NTRK3: variants seen among roughly 807,000 people sequenced by gnomAD.
NTRK3 encodes the protein neurotrophic receptor tyrosine kinase 3.
Under a neutral mutation model 91.7 loss-of-function variants are expected in NTRK3, and 24 were observed. That is an observed-to-expected ratio of 0.26 (90% CI 0.19 to 0.37). The LOEUF (loss-of-function observed/expected upper bound fraction) is 0.37, where lower values mean the gene tolerates loss of function less well. NTRK3 is among the 10% of genes least tolerant of loss of function. The pLI is 1.00. For missense variants in NTRK3, 880 were observed against 1,068.9 expected, an observed-to-expected ratio of 0.82 and a Z score of 2.46; for synonymous variants, 483 against 404.0, an observed-to-expected ratio of 1.20 and a Z score of -2.34.
chr15:87,945,804 A>AG (rs1491303977), intron 14 of NTRK3, among the ~76,000 whole-genome samples: 1 of 29,468 alleles, frequency 3.4e-5, no homozygotes, highest in Non-Finnish European at 5.7e-5. Flanking sequence ...GAAGACTGGG[A>AG]AAAAAAAAAA....
intron 17 of NTRK3, among the ~76,000 whole-genome samples, chr15:87,911,605 C>A (rs1367523273): frequency 2.6e-5 from 4 of 152,186 alleles, no homozygotes; most frequent in East Asian, 1.9e-4. Flanking sequence ...ATCTTGCCAC[C>A]CCTGTGGGTG....
At chr15:87,865,763 C>G (rs777651577) in exon 19 of NTRK3, 1 of 226,670 alleles carries the variant, frequency 4.4e-6, no homozygotes, top group East Asian at 6.3e-5. Context: ...TGTCAGAGTT[C>G]CAAGCCTGAA....
chr15:88,055,165 C>T (rs1597025336), intron 13 of NTRK3, among the ~76,000 whole-genome samples: 1 of 152,338 alleles, frequency 6.6e-6, no homozygotes, highest in East Asian at 1.9e-4. Context: ...CCCATGGCCT[C>T]AGCCTTCTGC....
intron 10 of NTRK3, 31 bp from the exon 11 acceptor site, chr15:88,128,765 A>C: frequency 6.2e-7 from 1 of 1,603,966 alleles, no homozygotes; most frequent in Non-Finnish European, 8.5e-7. Flanking sequence ...GATAATTAAC[A>C]AATTTAATAA....
chr15:88,239,941 C>A (rs1441223810), intron 3 of NTRK3, among the ~76,000 whole-genome samples: 1 of 152,120 alleles, frequency 6.6e-6, no homozygotes, highest in Non-Finnish European at 1.5e-5. Flanking sequence ...TGGGGTGGGG[C>A]CCAGCGGTCG....
chr15:88,212,986 T>C (rs1483864313), intron 3 of NTRK3, among the ~76,000 whole-genome samples: 3 of 152,098 alleles, frequency 2.0e-5, no homozygotes, highest in African/African-American at 7.2e-5. Context: ...GGCTGTGGGG[T>C]CCCATCGCCT....
Position 88,236,514 on chromosome 15 carries a change from T to TAAAA in NTRK3, c.248+19388_248+19391dup, listed in dbSNP as rs60187446. On this transcript the variant is annotated intron_variant, in intron 3 of 18. Coordinates refer to ENST00000394480, the Ensembl canonical transcript of NTRK3. ...AAAGTGAGACTCCAGCCTCTATTAT[T>TAAAA]AAAAAAAAAAAAAAAAAAAAAAAAA... is the stretch of plus-strand genomic sequence containing the variant. Among the ~76,000 whole-genome samples, 363 of 53,752 alleles carry TAAAA rather than the reference T, an allele frequency of 6.8e-3. 4 individuals carry two copies. Among genetic ancestry groups the TAAAA allele is most frequent in the African/African-American group, 0.024 (343 of 14,176 alleles). 35.3% of individuals were successfully genotyped at this position (53,752 alleles called of 152,430 possible).
intron 5 of NTRK3, among the ~76,000 whole-genome samples, chr15:88,167,803 G>A (rs2045127127): frequency 6.6e-6 from 1 of 152,096 alleles, no homozygotes; most frequent in South Asian, 2.1e-4. Flanking sequence ...TGCAGGCTCT[G>A]GGCACATCAA....
At chr15:88,176,123 C>T (rs1320065428) in intron 5 of NTRK3, among the ~76,000 whole-genome samples, 1 of 148,672 alleles carries the variant, frequency 6.7e-6, no homozygotes, top group East Asian at 2.0e-4. Context: ...TAATATTTGC[C>T]TATATGCCCC....
intron 13 of NTRK3, among the ~76,000 whole-genome samples, chr15:88,071,423 G>T (rs1174303977): frequency 6.6e-6 from 1 of 152,242 alleles, no homozygotes; most frequent in Admixed American, 6.5e-5. Flanking sequence ...AGTCTCACTT[G>T]GCCAAGGCCA....
chr15:88,149,791 C>T (rs1371355357), intron 5 of NTRK3, among the ~76,000 whole-genome samples: 1 of 152,222 alleles, frequency 6.6e-6, no homozygotes, highest in Non-Finnish European at 1.5e-5. Flanking sequence ...GGGTTCAGGA[C>T]AACAGGATTT....
At chr15:88,115,922 T>C (rs191904372) in intron 13 of NTRK3, among the ~76,000 whole-genome samples, 1 of 151,490 alleles carries the variant, frequency 6.6e-6, no homozygotes, top group African/African-American at 2.4e-5. Context: ...GCTTTTCCGG[T>C]TTTTTATAGC....
intron 14 of NTRK3, among the ~76,000 whole-genome samples, chr15:88,026,185 G>C (rs538223673): frequency 2.0e-5 from 3 of 151,932 alleles, no homozygotes; most frequent in Non-Finnish European, 2.9e-5. Flanking sequence ...GCAGGAGAAC[G>C]GTGTGAACCC....
At chr15:88,180,499 A>C (rs78100934) in intron 5 of NTRK3, among the ~76,000 whole-genome samples, 1 of 152,178 alleles carries the variant, frequency 6.6e-6, no homozygotes, top group African/African-American at 2.4e-5. Flanking sequence ...AACTTTGTCA[A>C]TTCATTTTCT....
intron 11 of NTRK3, among the ~76,000 whole-genome samples, chr15:88,127,828 C>T (rs553985945): frequency 6.6e-6 from 1 of 152,326 alleles, no homozygotes; most frequent in East Asian, 1.9e-4. Flanking sequence ...CCGGGAAACA[C>T]CACCTTTACC....
chr15:87,955,837 T>A (rs2071599111), intron 14 of NTRK3, among the ~76,000 whole-genome samples: 1 of 152,196 alleles, frequency 6.6e-6, no homozygotes. Flanking sequence ...GGTCACATGT[T>A]GGTTCAATCC....
At chr15:88,080,796 G>A (rs1002126143) in intron 13 of NTRK3, among the ~76,000 whole-genome samples, 44 of 152,356 alleles carry the variant, frequency 2.9e-4, no homozygotes, top group African/African-American at 8.2e-4. Flanking sequence ...GCAGCAGGCA[G>A]GGGAAGCAAG....
At chr15:88,225,307 G>A (rs903052955) in intron 3 of NTRK3, among the ~76,000 whole-genome samples, 4 of 152,158 alleles carry the variant, frequency 2.6e-5, no homozygotes, top group South Asian at 2.1e-4. Context: ...GGCTTAAGCA[G>A]GTATGGGTTC....
chr15:88,194,114 T>G (rs1401442062), intron 3 of NTRK3, among the ~76,000 whole-genome samples: 1 of 152,236 alleles, frequency 6.6e-6, no homozygotes, highest in Non-Finnish European at 1.5e-5. Context: ...CACTCTTTCT[T>G]CCTTGAAACA....
Sources: allele counts gnomAD v4.1 joint callset (sites outside exome capture counted in the v4.1 genomes callset), GRCh38; gene constraint gnomAD v4.1.1; transcripts MANE v1.5; gene names NCBI Gene and HGNC (gene_info 2026-07-23, HGNC 2026-07-21).